ABCC4: variants seen among roughly 807,000 people sequenced by gnomAD.
The protein encoded by ABCC4 is ATP binding cassette subfamily C member 4 (PEL blood group).
ABCC4 carries 102 observed loss-of-function variants against 168.5 expected under a neutral mutation model. The observed-to-expected ratio is 0.61, with a 90% CI of 0.52 to 0.71. The LOEUF (loss-of-function observed/expected upper bound fraction) is 0.71, where lower values mean the gene tolerates loss of function less well. ABCC4 is among the 30% of genes least tolerant of loss of function. The probability of loss-of-function intolerance (pLI) is 0.00; values close to 1 mark genes in which losing one functional copy is unlikely to be tolerated. For synonymous variants in ABCC4, 617 were observed against 590.7 expected (o/e 1.04, Z -0.65); for missense variants, 1,402 against 1,605.8 (o/e 0.87, Z 2.17).
At chr13:95,183,379 T>G (rs1887162) in intron 11 of ABCC4, among the ~76,000 whole-genome samples, 118,793 of 152,050 alleles carry the variant, frequency 0.78, 46,650 homozygotes, top group African/African-American at 0.84. Flanking sequence ...ATAATTCCAG[T>G]ATTGCTATTC....
At position 95,186,832 on chromosome 13, in the gene ABCC4, G is replaced by A. The variant is rs1361789977; in HGVS notation, c.1414C>T (p.His472Tyr). The change falls in exon 11 of 31, where the codon CAT becomes TAT. Residue 472 changes from histidine to tyrosine, a missense_variant. Coordinates refer to ENST00000645237, the MANE Select transcript of ABCC4 (RefSeq NM_005845.5). ...LAPSHGLVSV[H>Y]GRIAYVSQQP... is the part of the protein sequence containing the mutation. ...TGAGACACATAGGCAATTCTTCCATGCACGCTGACCAGCCCGTGACTTGGG... is the reference window on the plus strand; with the variant it reads ...TGAGACACATAGGCAATTCTTCCATACACGCTGACCAGCCCGTGACTTGGG... 2 of 1,613,938 alleles carry A rather than the reference G, an allele frequency of 1.2e-6. No homozygotes were observed. The highest frequency in any genetic ancestry group is 2.7e-5 in the African/African-American group (2 of 74,896).
intron 1 of ABCC4, among the ~76,000 whole-genome samples, chr13:95,256,076 A>C (rs184490939): frequency 3.9e-5 from 6 of 152,216 alleles, no homozygotes; most frequent in East Asian, 3.9e-4. Context: ...TAACAGAATA[A>C]AATGAAGAAA....
intron 26 of ABCC4, among the ~76,000 whole-genome samples, chr13:95,054,411 G>A (rs930151929): frequency 7.2e-5 from 11 of 151,808 alleles, no homozygotes; most frequent in Non-Finnish European, 1.2e-4. Flanking sequence ...AGCTGGGTGC[G>A]GTGGCGGGCA....
chr13:95,223,401 G>A (rs1053881308), intron 4 of ABCC4, among the ~76,000 whole-genome samples: 2 of 87,152 alleles, frequency 2.3e-5, no homozygotes, highest in African/African-American at 7.4e-5. Context: ...AAGATTTACA[G>A]AAACAAGTAT....
rs1390371006 is a variant in ABCC4 at position 95,194,863 on chromosome 13, C to T, written c.1236G>A (p.Val412=). The stretch of plus-strand genomic sequence containing the variant: ...TATCCCAAAAAGCAGTAAAATCCTG[C>T]ACATGCACCATCTTTTTACCATCTG... ...LPSDGKKMVH[V]QDFTAFWDKA... is the part of the protein sequence containing the mutation. The change falls in exon 9 of 31, where the codon GTG becomes GTA. Residue 412 remains valine (V), a synonymous_variant. Coordinates refer to ENST00000645237, the MANE Select transcript of ABCC4 (RefSeq NM_005845.5). The T allele has an allele frequency of 1.2e-6, 2 of 1,613,938 alleles. No homozygotes were observed. Among genetic ancestry groups the T allele is most frequent in the Non-Finnish European group, 1.7e-6 (2 of 1,179,998 alleles).
chr13:95,167,772 G>A (rs2037332495), intron 14 of ABCC4, among the ~76,000 whole-genome samples: 1 of 152,144 alleles, frequency 6.6e-6, no homozygotes, highest in South Asian at 2.1e-4. Context: ...GGGTTCCGAG[G>A]GGGAACCGTG....
chr13:95,074,893 G>A (rs1487610860), intron 22 of ABCC4: 2 of 153,830 alleles, frequency 1.3e-5, no homozygotes, highest in African/African-American at 4.8e-5. Context: ...ATAAAGATTG[G>A]AATGACGGAT....
chr13:95,295,211 G>A (rs1162644169), intron 1 of ABCC4, among the ~76,000 whole-genome samples: 1 of 152,092 alleles, frequency 6.6e-6, no homozygotes, highest in African/African-American at 2.4e-5. Flanking sequence ...CTGTGATTCT[G>A]CAGACACAGA....
intron 20 of ABCC4, among the ~76,000 whole-genome samples, chr13:95,104,254 C>G (rs547527183): frequency 6.6e-6 from 1 of 152,276 alleles, no homozygotes; most frequent in South Asian, 2.1e-4. Context: ...GCTGGGATTA[C>G]AGGTGTGCAC....
intron 15 of ABCC4, among the ~76,000 whole-genome samples, chr13:95,165,241 T>G (rs1470888039): frequency 2.0e-5 from 3 of 152,098 alleles, no homozygotes; most frequent in Non-Finnish European, 4.4e-5. Flanking sequence ...GGTCAAAACA[T>G]GAGCTCAACA....
At chr13:95,086,881 T>G (rs2034275213) in intron 20 of ABCC4, among the ~76,000 whole-genome samples, 1 of 152,198 alleles carries the variant, frequency 6.6e-6, no homozygotes, top group East Asian at 1.9e-4. Flanking sequence ...TATTAAAACA[T>G]AAAATCAGGA....
At chr13:95,164,558 C>T (rs371175258) in intron 15 of ABCC4, 40 bp from the exon 16 acceptor site, 10 of 1,604,196 alleles carry the variant, frequency 6.2e-6, no homozygotes, top group African/African-American at 4.0e-5. Context: ...AAACAGTATA[C>T]AAAACTGTTC....
chr13:95,210,097 GA>G, intron 5 of ABCC4, among the ~76,000 whole-genome samples: 1 of 152,172 alleles, frequency 6.6e-6, no homozygotes, highest in Non-Finnish European at 1.5e-5. Context: ...TGAATAATTG[GA>G]AAAAAGAAGT....
intron 4 of ABCC4, among the ~76,000 whole-genome samples, chr13:95,224,885 C>G (rs952147406): frequency 6.6e-6 from 1 of 151,950 alleles, no homozygotes; most frequent in African/African-American, 2.4e-5. Flanking sequence ...TTTTTTTCTT[C>G]TTTTAAATTG....
At chr13:95,034,534 C>G in intron 30 of ABCC4, 71 bp downstream of exon 30, 1 of 1,550,516 alleles carries the variant, frequency 6.4e-7, no homozygotes, top group Non-Finnish European at 8.7e-7. Flanking sequence ...GTTACCATAC[C>G]CATGGTGCCA....
At chr13:95,189,121 ATTC>A (rs2038167009) in intron 9 of ABCC4, among the ~76,000 whole-genome samples, 3 of 102,524 alleles carry the variant, frequency 2.9e-5, no homozygotes, top group African/African-American at 1.2e-4. Flanking sequence ...TTAAAACAAT[ATTC>A]TTTTTTTTTT....
intron 30 of ABCC4, among the ~76,000 whole-genome samples, chr13:95,033,862 G>A (rs553638279): frequency 3.9e-4 from 60 of 151,946 alleles, no homozygotes; most frequent in Non-Finnish European, 8.2e-4. Flanking sequence ...GGGTTTCTCC[G>A]TGTTGGTCAG....
rs148288608 is a variant in ABCC4 at position 95,073,082 on chromosome 13, TA to T, written c.3018+121del. ...CTTTAAACAGATGGAGGAAGGATCT[TA>T]AAAAAAATCTGTTACCAAAGATGTA... On this transcript the variant is annotated intron_variant, in intron 24 of 30. Coordinates refer to ENST00000645237, the MANE Select transcript of ABCC4 (RefSeq NM_005845.5). 1.4e-4 allele frequency: 102 copies of T among 709,214 alleles called. No homozygotes were observed. The East Asian group carries it at 2.4e-3, about 16-fold the overall frequency. The allele number at this position is 709,214 out of a possible 1,614,324, so 43.9% of individuals were successfully genotyped here.
intron 8 of ABCC4, among the ~76,000 whole-genome samples, chr13:95,205,138 G>C (rs910854195): frequency 2.0e-5 from 3 of 152,186 alleles, no homozygotes; most frequent in Non-Finnish European, 4.4e-5. Context: ...AAAGAATGGG[G>C]ATAAGAAATG....
Sources: allele counts gnomAD v4.1 joint callset (sites outside exome capture counted in the v4.1 genomes callset), GRCh38; gene constraint gnomAD v4.1.1; transcripts MANE v1.5; gene names NCBI Gene and HGNC (gene_info 2026-07-23, HGNC 2026-07-21).